Variants in TMEM135 observed in about 807,000 individuals in gnomAD.
TMEM135 encodes the protein transmembrane protein 135.
Under a neutral mutation model 60.3 loss-of-function variants are expected in TMEM135, and 30 were observed. That is an observed-to-expected ratio of 0.50 (90% CI 0.37 to 0.68). The LOEUF (loss-of-function observed/expected upper bound fraction) is 0.68. TMEM135 is among the 30% of genes least tolerant of loss of function. The pLI is 0.00. For missense variants in TMEM135, 468 were observed against 548.8 expected (o/e 0.85, Z 1.47); for synonymous variants, 190 against 186.7 (o/e 1.02, Z -0.14).
chr11:87,185,925 T>G (rs372353041), intron 5 of TMEM135, among the ~76,000 whole-genome samples: 44 of 151,796 alleles, frequency 2.9e-4, no homozygotes, highest in African/African-American at 1.1e-3. Context: ...TTTTTTTTTG[T>G]GAGACAGAGG....
At chr11:87,096,218 C>G (rs1857325581) in intron 4 of TMEM135, 1 of 293,248 alleles carries the variant, frequency 3.4e-6, no homozygotes, top group Non-Finnish European at 6.8e-6. Context: ...ATTCTTCGTC[C>G]TTATTGATGT....
chr11:87,138,760 C>A (rs978931782), intron 4 of TMEM135, among the ~76,000 whole-genome samples: 2 of 152,186 alleles, frequency 1.3e-5, no homozygotes, highest in Non-Finnish European at 2.9e-5. Context: ...GATGGGAACA[C>A]AGGTGCAAGA....
At chr11:87,194,792 A>C (rs1261893515) in intron 5 of TMEM135, among the ~76,000 whole-genome samples, 1 of 152,164 alleles carries the variant, frequency 6.6e-6, no homozygotes, top group African/African-American at 2.4e-5. Context: ...GTGTACTTAG[A>C]GCTCTCGTGA....
intron 3 of TMEM135, among the ~76,000 whole-genome samples, chr11:87,087,819 C>T (rs1423057002): frequency 4.6e-5 from 7 of 152,156 alleles, no homozygotes. Flanking sequence ...CCACTGCAAC[C>T]TCTGCGTCCT....
At chr11:87,159,018 T>C (rs1938787816) in intron 5 of TMEM135, among the ~76,000 whole-genome samples, 1 of 152,174 alleles carries the variant, frequency 6.6e-6, no homozygotes, top group Non-Finnish European at 1.5e-5. Context: ...TAGGGAAATG[T>C]ATGCAGCACA....
At chr11:87,258,948 T>A (rs1941587527) in intron 6 of TMEM135, 1 of 1,487,730 alleles carries the variant, frequency 6.7e-7, no homozygotes, top group Non-Finnish European at 9.4e-7. Flanking sequence ...GTTGCTGCTG[T>A]TGCTCGGTTT....
intron 5 of TMEM135, among the ~76,000 whole-genome samples, chr11:87,176,669 G>A (rs1939377183): frequency 6.6e-6 from 1 of 152,152 alleles, no homozygotes; most frequent in Non-Finnish European, 1.5e-5. Flanking sequence ...GATTGTTAAG[G>A]TAGGTTGAAG....
chr11:87,069,110 C>T (rs1038781596), intron 2 of TMEM135, among the ~76,000 whole-genome samples: 1 of 150,148 alleles, frequency 6.7e-6, no homozygotes. Flanking sequence ...CACAGTGAAA[C>T]CCCGTCTCTA....
At chr11:87,225,346 A>G (rs1459309780) in intron 5 of TMEM135, among the ~76,000 whole-genome samples, 1 of 152,140 alleles carries the variant, frequency 6.6e-6, no homozygotes, top group Admixed American at 6.5e-5. Context: ...TACATGAAAC[A>G]GTGTATGTTA....
intron 5 of TMEM135, among the ~76,000 whole-genome samples, chr11:87,194,402 G>A (rs969061850): frequency 1.2e-4 from 18 of 152,126 alleles, no homozygotes; most frequent in African/African-American, 3.6e-4. Flanking sequence ...ATCTCAAATC[G>A]TTTAGTGGGC....
At chr11:87,303,921 C>T (rs1942490247) in intron 8 of TMEM135, among the ~76,000 whole-genome samples, 1 of 152,160 alleles carries the variant, frequency 6.6e-6, no homozygotes, top group African/African-American at 2.4e-5. Context: ...ATAGTAGCCT[C>T]AGTGGATCTT....
chr11:87,199,994 C>T (rs1306829555), intron 5 of TMEM135, among the ~76,000 whole-genome samples: 1 of 152,138 alleles, frequency 6.6e-6, no homozygotes, highest in East Asian at 1.9e-4. Flanking sequence ...TTATTAACCT[C>T]TGAATCTTTT....
At chr11:87,134,645 C>T (rs1938041232) in intron 4 of TMEM135, among the ~76,000 whole-genome samples, 1 of 152,082 alleles carries the variant, frequency 6.6e-6, no homozygotes, top group Non-Finnish European at 1.5e-5. Flanking sequence ...CCAGGCCTGG[C>T]TTATTTATTT....
At chr11:87,200,810 C>G (rs1940076805) in intron 5 of TMEM135, among the ~76,000 whole-genome samples, 2 of 152,172 alleles carry the variant, frequency 1.3e-5, no homozygotes, top group Non-Finnish European at 2.9e-5. Flanking sequence ...AACCATTGAT[C>G]TTTTCACTGT....
chr11:87,147,545 T>C (rs1352249429), intron 4 of TMEM135, among the ~76,000 whole-genome samples: 1 of 152,022 alleles, frequency 6.6e-6, no homozygotes, highest in East Asian at 1.9e-4. Context: ...TGTGTGTGCA[T>C]AGCAGAACAT....
At chr11:87,255,115 A>C (rs1941498007) in intron 6 of TMEM135, among the ~76,000 whole-genome samples, 1 of 151,900 alleles carries the variant, frequency 6.6e-6, no homozygotes, top group Admixed American at 6.6e-5. Flanking sequence ...CCACTCTGAC[A>C]CCATTCTGAC....
chr11:87,144,911 G>A (rs1283945095), intron 4 of TMEM135, among the ~76,000 whole-genome samples: 1 of 152,050 alleles, frequency 6.6e-6, no homozygotes, highest in Admixed American at 6.6e-5. Flanking sequence ...ATTAAATCAA[G>A]CTAGGTAACA....
At chr11:87,289,155 G>T (rs1453728695) in intron 6 of TMEM135, among the ~76,000 whole-genome samples, 1 of 152,102 alleles carries the variant, frequency 6.6e-6, no homozygotes, top group Non-Finnish European at 1.5e-5. Context: ...TGTATGTAAT[G>T]TATTTTATCT....
intron 5 of TMEM135, among the ~76,000 whole-genome samples, chr11:87,168,741 A>G (rs1481161444): frequency 6.6e-6 from 1 of 152,126 alleles, no homozygotes; most frequent in Non-Finnish European, 1.5e-5. Flanking sequence ...GGTCAATTTT[A>G]GAAGAAGTTC....
Sources: allele counts gnomAD v4.1 joint callset (sites outside exome capture counted in the v4.1 genomes callset), GRCh38; gene constraint gnomAD v4.1.1; transcripts MANE v1.5; gene names NCBI Gene and HGNC (gene_info 2026-07-23, HGNC 2026-07-21).